The following EXD3 variants were observed in gnomAD, a reference collection of about 807,000 sequenced individuals.
EXD3 encodes the protein exonuclease mut-7 homolog.
In EXD3, 92 loss-of-function variants were observed where a neutral mutation model predicts 98.0. The observed-to-expected ratio is 0.94, with a 90% CI of 0.79 to 1.12. The LOEUF is 1.12. Among genes scored for constraint, EXD3 ranks in the 50% most tolerant of loss-of-function variants. The pLI, the probability that EXD3 is intolerant of heterozygous loss-of-function variation, is 0.00. For synonymous variants in EXD3, 569 were observed against 526.0 expected, an observed-to-expected ratio of 1.08 and a Z score of -1.12; for missense variants, 1,222 against 1,191.6, an observed-to-expected ratio of 1.03 and a Z score of -0.38.
At chr9:137,416,626 C>A (rs551575700) in intron 1 of EXD3, among the ~76,000 whole-genome samples, 1 of 152,302 alleles carries the variant, frequency 6.6e-6, no homozygotes, top group Non-Finnish European at 1.5e-5. Flanking sequence ...CTGGGCAACC[C>A]GGCTCAGAGC....
intron 1 of EXD3, among the ~76,000 whole-genome samples, chr9:137,418,053 A>G (rs896440459): frequency 4.6e-5 from 7 of 151,930 alleles, no homozygotes; most frequent in Admixed American, 2.0e-4. Context: ...TCTCCTATTA[A>G]TCTCCTTTTG....
chr9:137,320,226 C>A (rs990846190), intron 19 of EXD3, among the ~76,000 whole-genome samples: 3 of 152,234 alleles, frequency 2.0e-5, no homozygotes, highest in Admixed American at 2.0e-4. Flanking sequence ...CCCTTCCCCA[C>A]GTCCTGCCCC....
chr9:137,386,058 G>A (rs1279206580), intron 2 of EXD3, among the ~76,000 whole-genome samples: 1 of 152,078 alleles, frequency 6.6e-6, no homozygotes, highest in Non-Finnish European at 1.5e-5. Flanking sequence ...CACTTTGGGA[G>A]GCTGAGGTGG....
intron 6 of EXD3, 114 bp from the exon 7 acceptor site, chr9:137,366,746 G>A (rs894740892): frequency 8.2e-6 from 11 of 1,347,750 alleles, no homozygotes; most frequent in East Asian, 2.5e-5. Flanking sequence ...CCCAGAGGCC[G>A]TCCAGGCCCA....
At chr9:137,373,118 C>A in intron 4 of EXD3, 46 bp from the exon 5 acceptor site, 1 of 1,513,942 alleles carries the variant, frequency 6.6e-7, no homozygotes. Flanking sequence ...CACCCAGTGG[C>A]TGGGCCATGG....
chr9:137,395,761 G>A lies in EXD3; in HGVS notation c.-47-357C>T, dbSNP rs1360379238. 1.3e-5 allele frequency among the ~76,000 whole-genome samples: 2 copies of A among 152,060 alleles called. No individual in the cohort carries two copies. Among genetic ancestry groups the A allele is most frequent in the East Asian group, 1.9e-4 (1 of 5,158 alleles). On this transcript the variant is annotated intron_variant, in intron 1 of 21. Transcript: ENST00000340951. The surrounding 1 kb of genome is among the most constrained non-coding windows in gnomAD (Gnocchi z 6.5). ...CCCCTTGCCATGTCCCCCTCAGGCT[G>A]TGTGTCCTGCCCTGAGGGAGCCACA...
chr9:137,346,185 G>A (rs1259481892), intron 17 of EXD3, among the ~76,000 whole-genome samples: 3 of 127,066 alleles, frequency 2.4e-5, no homozygotes, highest in African/African-American at 6.3e-5. Context: ...CTTGCAGTGA[G>A]CCGAGATCGC....
chr9:137,353,821 G>A (rs879906403), intron 10 of EXD3: 18 of 986,392 alleles, frequency 1.8e-5, no homozygotes, highest in South Asian at 9.4e-5. Flanking sequence ...CCACGGCCTC[G>A]AGGAGGGTCC....
chr9:137,307,247 T>A lies in EXD3; in HGVS notation c.2334A>T (p.Ala778=). Reference sequence around the variant, plus strand: ...GGTCATAGGTGCAGCCCTCAGGGGCTGCGTCTGGGGCTGGGCCTGGACAGA... The same window carrying A: ...GGTCATAGGTGCAGCCCTCAGGGGCAGCGTCTGGGGCTGGGCCTGGACAGA... ...AVQEPGPAPD[A]APEGCTYDRP... The change falls in exon 22 of 22, where the codon GCA becomes GCT. Residue 778 remains alanine, a synonymous_variant. Transcript: ENST00000340951. The A allele has an allele frequency of 6.5e-7, 1 of 1,546,448 alleles. No individual in the cohort carries two copies. The highest frequency in any genetic ancestry group is 8.7e-7 in the Non-Finnish European group (1 of 1,147,570).
intron 3 of EXD3, among the ~76,000 whole-genome samples, chr9:137,375,362 G>A (rs540283830): frequency 3.9e-4 from 59 of 152,220 alleles, no homozygotes; most frequent in African/African-American, 5.1e-4. Context: ...CAGCTCTAGT[G>A]AGTTCTAGCT....
At chr9:137,352,503 G>A in intron 11 of EXD3, 117 bp downstream of exon 11, 1 of 1,103,392 alleles carries the variant, frequency 9.1e-7, no homozygotes, top group Non-Finnish European at 1.3e-6. Flanking sequence ...TCTTTGTTTT[G>A]TCTTGATTTC....
chr9:137,376,502 G>C (rs753040075), intron 3 of EXD3, among the ~76,000 whole-genome samples: 1 of 152,008 alleles, frequency 6.6e-6, no homozygotes, highest in South Asian at 2.1e-4. Flanking sequence ...GTAGATTTAC[G>C]GCCCAAAGTG....
At chr9:137,351,608 C>T (rs1834309960) in intron 12 of EXD3, 80 bp from the exon 13 acceptor site, 1 of 1,355,386 alleles carries the variant, frequency 7.4e-7, no homozygotes, top group African/African-American at 1.4e-5. Context: ...TCCTGAGCAG[C>T]TCTGTGAGCT....
At chr9:137,330,554 TACACAGGGCTCCAC>T (rs1474109653) in intron 17 of EXD3, among the ~76,000 whole-genome samples, 37 of 121,918 alleles carry the variant, frequency 3.0e-4, no homozygotes, top group South Asian at 8.3e-4. Flanking sequence ...ACACAGGAGC[TACACAGGGCTCCAC>T]AGGAGCTACA....
chr9:137,379,825 T>C (rs1476238949), intron 3 of EXD3, among the ~76,000 whole-genome samples: 1 of 151,964 alleles, frequency 6.6e-6, no homozygotes, highest in East Asian at 1.9e-4. Context: ...CTTCCCTCAC[T>C]CCTGCTTCAG....
intron 17 of EXD3, among the ~76,000 whole-genome samples, chr9:137,337,849 G>A (rs1056196485): frequency 6.6e-5 from 10 of 151,142 alleles, no homozygotes; most frequent in Non-Finnish European, 1.2e-4. Context: ...GTGCAGTGAC[G>A]CAATCTTGGC....
At chr9:137,325,064 A>C (rs1832317409) in intron 17 of EXD3, among the ~76,000 whole-genome samples, 1 of 152,160 alleles carries the variant, frequency 6.6e-6, no homozygotes, top group African/African-American at 2.4e-5. Flanking sequence ...TTTCTGATGT[A>C]TGTTATATAT....
In EXD3 at chr9:137,391,179, G is replaced by A. The variant is rs73668260; in HGVS notation, c.55+4124C>T. Among the ~76,000 whole-genome samples the A allele has an allele frequency of 7.3e-3, 1,110 of 152,368 alleles. 19 individuals are homozygous for A. Among genetic ancestry groups the A allele is most frequent in the African/African-American group, 0.024 (992 of 41,588 alleles). ...CAGCCACAGCCCACCAGTGAGGCCT[G>A]AGAGGGAGGCGTCTCCAGGAACCCG... is the stretch of plus-strand genomic sequence containing the variant. On this transcript the variant is annotated intron_variant, in intron 2 of 21. Transcript: ENST00000340951.
Position 137,405,369 on chromosome 9 carries a change from G to A in EXD3, c.-47-9965C>T, listed in dbSNP as rs931937307. On this transcript the variant is annotated intron_variant, in intron 1 of 21. Transcript: ENST00000340951. The surrounding 1 kb of genome is among the most constrained non-coding windows in gnomAD (Gnocchi z 4.1). Reference sequence around the variant, plus strand: ...GGGACCCCTGGACCACAGGACCAACGGGGGCAGGGTGGGCCCCCCACACAG... The same window carrying A: ...GGGACCCCTGGACCACAGGACCAACAGGGGCAGGGTGGGCCCCCCACACAG... 7.2e-5 allele frequency among the ~76,000 whole-genome samples: 11 copies of A among 152,216 alleles called. No homozygotes were observed. The highest frequency in any genetic ancestry group is 2.1e-4 in the South Asian group (1 of 4,836).
Sources: allele counts gnomAD v4.1 joint callset (sites outside exome capture counted in the v4.1 genomes callset), GRCh38; gene constraint gnomAD v4.1.1; non-coding constraint Gnocchi (gnomAD v3.1); transcripts MANE v1.5; gene names NCBI Gene and HGNC (gene_info 2026-07-23, HGNC 2026-07-21).